CNOT2: variants seen among roughly 807,000 people sequenced by gnomAD.
CNOT2 encodes CC chemokine receptor 4-negative regulator of transcription 2.
A neutral mutation model predicts 72.1 loss-of-function variants in CNOT2; 7 were observed. That is an observed-to-expected ratio of 0.10 (90% confidence interval 0.06 to 0.18). CNOT2 has a LOEUF of 0.18. CNOT2 is among the 10% of genes least tolerant of loss of function. The pLI is 1.00. For synonymous variants in CNOT2, 196 were observed against 225.6 expected (o/e 0.87, Z 1.17); for missense variants, 345 against 660.3 (o/e 0.52, Z 5.23).
rs754654482 is a variant in CNOT2, at chr12:70,342,117, C to G, written c.1189C>G (p.Pro397Ala). The G allele has an allele frequency of 3.1e-6, 5 of 1,591,836 alleles. No homozygotes were observed. Among genetic ancestry groups the G allele is most frequent in the Non-Finnish European group, 4.3e-6 (5 of 1,159,978 alleles). The change falls in exon 12 of 16, where the codon CCC becomes GCC. Residue 397 changes from proline (P) to alanine (A), a missense_variant. Coordinates refer to ENST00000229195, the MANE Select transcript of CNOT2 (RefSeq NM_014515.7). ...LNLNSPENLYPKFASPWASSP... is the reference protein window; with the variant it reads ...LNLNSPENLYAKFASPWASSP... ...TTCCTCCTTATTCAGAAATCTCTACCCCAAATTTGCGTCACCCTGGGCATC... is the reference window on the plus strand; with the variant it reads ...TTCCTCCTTATTCAGAAATCTCTACGCCAAATTTGCGTCACCCTGGGCATC...
intron 2 of CNOT2, among the ~76,000 whole-genome samples, chr12:70,285,976 CCTT>C (rs1870822502): frequency 1.3e-5 from 2 of 151,904 alleles, no homozygotes; most frequent in East Asian, 3.9e-4. Context: ...ACCAGTGTGT[CCTT>C]CTAGGATTCC....
At chr12:70,348,346 T>A (rs1882460577) in intron 15 of CNOT2, among the ~76,000 whole-genome samples, 1 of 152,182 alleles carries the variant, frequency 6.6e-6, no homozygotes, top group Non-Finnish European at 1.5e-5. Context: ...CTCCATCATT[T>A]ATGATTTAGT....
At chr12:70,297,310 A>C (rs1168987862) in intron 2 of CNOT2, among the ~76,000 whole-genome samples, 1 of 152,192 alleles carries the variant, frequency 6.6e-6, no homozygotes, top group Non-Finnish European at 1.5e-5. Context: ...TGCAGTTAGC[A>C]GTCTTCATCT....
chr12:70,313,223 A>G (rs1435273087), intron 3 of CNOT2, among the ~76,000 whole-genome samples: 1 of 151,678 alleles, frequency 6.6e-6, no homozygotes, highest in East Asian at 1.9e-4. Flanking sequence ...TTTTTGTGTC[A>G]TTTTCTATTT....
At chr12:70,327,140 AGGG>A (rs1879197340) in intron 4 of CNOT2, among the ~76,000 whole-genome samples, 1 of 152,036 alleles carries the variant, frequency 6.6e-6, no homozygotes, top group South Asian at 2.1e-4. Context: ...GATTGTTAAA[AGGG>A]GGCCAAAAGG....
At chr12:70,325,332 T>C (rs1263014937) in intron 4 of CNOT2, among the ~76,000 whole-genome samples, 2 of 151,874 alleles carry the variant, frequency 1.3e-5, no homozygotes, top group Admixed American at 1.3e-4. Flanking sequence ...ACCTGGGGAA[T>C]TTTTAAAATT....
chr12:70,300,615 T>A (rs1181170404), intron 2 of CNOT2, among the ~76,000 whole-genome samples: 1 of 152,210 alleles, frequency 6.6e-6, no homozygotes, highest in African/African-American at 2.4e-5. Context: ...CTGTTTTGGT[T>A]ACTGTAGCCT....
intron 1 of CNOT2, among the ~76,000 whole-genome samples, chr12:70,264,792 A>G (rs1346022488): frequency 6.6e-6 from 1 of 152,228 alleles, no homozygotes; most frequent in Non-Finnish European, 1.5e-5. Context: ...AGTGTGGCTC[A>G]GATACTATAG....
At chr12:70,271,223 A>G (rs1440566575) in intron 1 of CNOT2, among the ~76,000 whole-genome samples, 1 of 152,110 alleles carries the variant, frequency 6.6e-6, no homozygotes, top group African/African-American at 2.4e-5. Flanking sequence ...CTATTGGGGA[A>G]AGAGGGTCTG....
At chr12:70,319,249 T>C in intron 3 of CNOT2, 49 bp from the exon 4 acceptor site, 2 of 1,506,772 alleles carry the variant, frequency 1.3e-6, no homozygotes, top group Non-Finnish European at 1.8e-6. Context: ...GTAAATGCAA[T>C]GCTCTGCTCT....
chr12:70,286,814 G>A (rs1055972420), intron 2 of CNOT2, among the ~76,000 whole-genome samples: 33 of 150,292 alleles, frequency 2.2e-4, no homozygotes, highest in African/African-American at 7.7e-4. Context: ...TTTTCTTTGT[G>A]GAAGAATCGA....
intron 2 of CNOT2, among the ~76,000 whole-genome samples, chr12:70,307,502 C>T (rs967026236): frequency 6.6e-6 from 1 of 152,072 alleles, no homozygotes; most frequent in Non-Finnish European, 1.5e-5. Flanking sequence ...CTTACGGGAC[C>T]ACCGTTGTAT....
intron 2 of CNOT2, among the ~76,000 whole-genome samples, chr12:70,287,764 ATAT>A (rs1260624657): frequency 6.7e-6 from 1 of 150,102 alleles, no homozygotes; most frequent in African/African-American, 2.4e-5. Flanking sequence ...AAGTTGTCAC[ATAT>A]TATGCTAATG....
At chr12:70,317,137 G>A (rs1231718120) in intron 3 of CNOT2, among the ~76,000 whole-genome samples, 2 of 151,652 alleles carry the variant, frequency 1.3e-5, no homozygotes, top group Non-Finnish European at 2.9e-5. Flanking sequence ...TTTTTTTGAT[G>A]GTTGATTTGT....
At chr12:70,299,625 G>A (rs1026408286) in intron 2 of CNOT2, among the ~76,000 whole-genome samples, 3 of 152,110 alleles carry the variant, frequency 2.0e-5, no homozygotes, top group African/African-American at 7.2e-5. Flanking sequence ...GTCTATCATT[G>A]TTGGACCTTT....
intron 1 of CNOT2, among the ~76,000 whole-genome samples, chr12:70,249,977 T>C (rs186554954): frequency 5.3e-5 from 8 of 152,260 alleles, no homozygotes; most frequent in Admixed American, 3.9e-4. Flanking sequence ...ATCTTTCTAA[T>C]CTATGCTTGC....
At chr12:70,279,548 T>C (rs149568037) in intron 2 of CNOT2, among the ~76,000 whole-genome samples, 129 of 152,312 alleles carry the variant, frequency 8.5e-4, no homozygotes, top group African/African-American at 2.4e-3. Flanking sequence ...TGTACTCAGG[T>C]GTAGCTCCTG....
At chr12:70,310,581 T>TA (rs1473147263) in intron 2 of CNOT2, among the ~76,000 whole-genome samples, 5 of 152,016 alleles carry the variant, frequency 3.3e-5, no homozygotes, top group Non-Finnish European at 5.9e-5. Flanking sequence ...ACTTAATTTT[T>TA]AAAAAATCTA....
intron 1 of CNOT2, among the ~76,000 whole-genome samples, chr12:70,247,238 C>G (rs541069292): frequency 6.6e-6 from 1 of 151,500 alleles, no homozygotes; most frequent in African/African-American, 2.4e-5. Flanking sequence ...GATCTTGGCT[C>G]GCTACCACCT....
Sources: allele counts gnomAD v4.1 joint callset (sites outside exome capture counted in the v4.1 genomes callset), GRCh38; gene constraint gnomAD v4.1.1; transcripts MANE v1.5; gene names NCBI Gene and HGNC (gene_info 2026-07-23, HGNC 2026-07-21).